Variants in PASD1 observed in about 807,000 individuals in gnomAD.
The protein encoded by PASD1 is PAS domain containing repressor 1, also known as circadian clock protein PASD1.
PASD1 carries 13 observed loss-of-function variants against 58.8 expected under a neutral mutation model. The observed-to-expected ratio is 0.22, with a 90% CI of 0.14 to 0.35. The LOEUF (loss-of-function observed/expected upper bound fraction) is 0.35, where lower values mean the gene tolerates loss of function less well. PASD1 is among the 10% of genes least tolerant of loss of function. The probability of loss-of-function intolerance (pLI) is 1.00; values close to 1 mark genes in which losing one functional copy is unlikely to be tolerated. For missense variants in PASD1, 734 were observed against 568.3 expected (o/e 1.29, Z -2.96); for synonymous variants, 236 against 216.7 (o/e 1.09, Z -0.78).
intron 1 of PASD1, among the ~76,000 whole-genome samples, chrX:151,595,562 CAAAA>C (rs751513597): frequency 1.1e-5 from 1 of 94,268 alleles, no homozygotes; most frequent in Non-Finnish European, 2.1e-5. Flanking sequence ...ACTAAAAATA[CAAAA>C]AAAAAAAAAT....
At chrX:151,573,086 T>G (rs1602900480) in intron 1 of PASD1, among the ~76,000 whole-genome samples, 1 of 26,210 alleles carries the variant, frequency 3.8e-5, no homozygotes, top group African/African-American at 1.6e-4. Flanking sequence ...GCAGGGGAAG[T>G]TTTGGGGTGG....
chrX:151,594,425 T>G (rs776845766), intron 1 of PASD1, among the ~76,000 whole-genome samples: 39 of 112,099 alleles, frequency 3.5e-4, no homozygotes, highest in Non-Finnish European at 5.6e-4. Context: ...CCATTTTATC[T>G]CTTTTTTGAT....
chrX:151,649,551 C>T (rs891968917), intron 9 of PASD1, among the ~76,000 whole-genome samples: 21 of 111,584 alleles, frequency 1.9e-4, no homozygotes, highest in Admixed American at 1.0e-3. Context: ...GGAATCTTAT[C>T]GGGATATTTA....
chrX:151,653,380 C>T (rs1420026070), intron 9 of PASD1, among the ~76,000 whole-genome samples: 1 of 108,951 alleles, frequency 9.2e-6, no homozygotes, highest in East Asian at 2.9e-4. Context: ...TTAGTAGAGA[C>T]GGGGTTTCAC....
At chrX:151,595,491 G>C (rs2013308801) in intron 1 of PASD1, among the ~76,000 whole-genome samples, 1 of 110,602 alleles carries the variant, frequency 9.0e-6, no homozygotes. Flanking sequence ...GGCTGAGGCG[G>C]GCGGATCACG....
intron 15 of PASD1, 130 bp downstream of exon 15, chrX:151,674,316 C>T (rs1005023698): frequency 1.0e-5 from 9 of 885,926 alleles, no homozygotes; most frequent in South Asian, 7.3e-5. Flanking sequence ...GTACATTTGA[C>T]GGCAGTTAGT....
At chrX:151,570,087 CA>C (rs1207220297) in intron 1 of PASD1, among the ~76,000 whole-genome samples, 1 of 111,371 alleles carries the variant, frequency 9.0e-6, no homozygotes, top group Non-Finnish European at 1.9e-5. Context: ...TGGGACAAGG[CA>C]GCCCTGCAGT....
At chrX:151,629,383 G>T (rs149904168) in intron 8 of PASD1, among the ~76,000 whole-genome samples, 1,817 of 111,501 alleles carry the variant, frequency 0.016, 29 homozygotes, top group African/African-American at 0.047. Flanking sequence ...CTCCCAAAGT[G>T]CTGGGATTAA....
At chrX:151,609,285 T>C (rs1445504601) in intron 3 of PASD1, among the ~76,000 whole-genome samples, 1 of 111,779 alleles carries the variant, frequency 8.9e-6, no homozygotes, top group Non-Finnish European at 1.9e-5. Context: ...TTACTTATTA[T>C]TTGGCCTATT....
At chrX:151,638,171 C>T (rs1328563575) in intron 8 of PASD1, among the ~76,000 whole-genome samples, 1 of 110,584 alleles carries the variant, frequency 9.0e-6, no homozygotes, top group Non-Finnish European at 1.9e-5. Context: ...ACAAAACGAT[C>T]ATTCTCAGCA....
chrX:151,666,302 A>G (rs1043830322), intron 11 of PASD1, among the ~76,000 whole-genome samples: 2 of 110,468 alleles, frequency 1.8e-5, no homozygotes, highest in African/African-American at 6.6e-5. Flanking sequence ...GCCTTGAAAG[A>G]TAATTATTTT....
chrX:151,624,222 G>A (rs987823217), intron 7 of PASD1, among the ~76,000 whole-genome samples: 6 of 111,338 alleles, frequency 5.4e-5, no homozygotes, highest in Non-Finnish European at 7.5e-5. Flanking sequence ...TGAGTTAGAA[G>A]TGTCTAGGAG....
intron 1 of PASD1, among the ~76,000 whole-genome samples, chrX:151,583,263 A>G (rs1359337152): frequency 8.9e-6 from 1 of 112,621 alleles, no homozygotes; most frequent in Non-Finnish European, 1.9e-5. Flanking sequence ...AATGGGGAAC[A>G]TAATGCCTGG....
intron 4 of PASD1, among the ~76,000 whole-genome samples, chrX:151,613,097 T>C (rs1263217560): frequency 8.9e-6 from 1 of 112,195 alleles, no homozygotes; most frequent in Non-Finnish European, 1.9e-5. Context: ...CTTCTTGTTT[T>C]TGTCAGGTTT....
In PASD1 at chrX:151,625,564, C is replaced by T. The variant is rs376588842; in HGVS notation, c.629+34C>T. 6.7e-6 allele frequency: 7 copies of T among 1,041,966 alleles called. No individual in the cohort carries two copies. The African/African-American group carries it at 1.3e-4, about 20-fold the overall frequency. The allele number at this position is 1,041,966 out of a possible 1,213,427, so 85.9% of individuals were successfully genotyped here. A position where few individuals can be genotyped will look rare whatever the true frequency, so the allele number is the denominator to read the frequency against. ...TAGTATTGATAAAGCTAATGAAGAT[C>T]TAGAATTCAATTTTACTAAACGAAA... On this transcript the variant is annotated intron_variant, in intron 8 of 15. Coordinates refer to ENST00000370357, the MANE Select transcript of PASD1 (RefSeq NM_173493.3).
chrX:151,644,726 T>C (rs1224613262), intron 8 of PASD1, among the ~76,000 whole-genome samples: 1 of 95,453 alleles, frequency 1.0e-5, no homozygotes, highest in African/African-American at 5.0e-5. Flanking sequence ...TAATTTTTCT[T>C]TTTTTTTTTT....
chrX:151,666,945 T>G (rs1294836820), intron 11 of PASD1, among the ~76,000 whole-genome samples: 1 of 108,732 alleles, frequency 9.2e-6, no homozygotes, highest in Non-Finnish European at 1.9e-5. Flanking sequence ...TTCTAGATCC[T>G]TGAGGAATTG....
In PASD1 at chrX:151,671,173, G is replaced by A; in HGVS notation, c.1207G>A (p.Glu403Lys). 1 of 1,211,488 alleles carries A rather than the reference G, an allele frequency of 8.3e-7. No individual in the cohort carries two copies. Among genetic ancestry groups the A allele is most frequent in the Non-Finnish European group, 1.1e-6 (1 of 895,404 alleles). The change falls in exon 12 of 16, where the codon GAA (glutamate) becomes AAA (lysine). Residue 403 changes from glutamate to lysine, a missense_variant. Physicochemically the swap from Glu to Lys is moderately conservative, Grantham distance 56 (BLOSUM62 1). Coordinates refer to ENST00000370357, the MANE Select transcript of PASD1 (RefSeq NM_173493.3). The stretch of plus-strand genomic sequence containing the variant: ...CATCCAAAACCAGCAGAATGCATTG[G>A]AATTGATGATGGATCACCTTCAGGT... The part of the protein sequence containing the change: ...DAIQNQQNAL[E>K]LMMDHLQKQP...
intron 1 of PASD1, among the ~76,000 whole-genome samples, chrX:151,589,225 C>T (rs775635698): frequency 3.6e-5 from 4 of 111,233 alleles, no homozygotes; most frequent in Non-Finnish European, 3.8e-5. Flanking sequence ...TTGCACATTA[C>T]GCGGGCATAC....
Sources: allele counts gnomAD v4.1 joint callset (sites outside exome capture counted in the v4.1 genomes callset), GRCh38; gene constraint gnomAD v4.1.1; transcripts MANE v1.5; gene names NCBI Gene and HGNC (gene_info 2026-07-23, HGNC 2026-07-21).